The following SLC46A3 variants were observed in gnomAD, a reference collection of about 807,000 sequenced individuals.
SLC46A3 encodes lysosomal proton-coupled steroid conjugate and bile acid symporter SLC46A3.
In SLC46A3, 26 loss-of-function variants were observed where a neutral mutation model predicts 38.5. The ratio of observed to expected loss-of-function variants is 0.68; its 90% confidence interval spans 0.49 to 0.94. SLC46A3 has a LOEUF of 0.94. Among genes scored for constraint, SLC46A3 ranks in the 40% least tolerant of loss-of-function variants. The probability of loss-of-function intolerance (pLI) is 0.00; values close to 1 mark genes in which losing one functional copy is unlikely to be tolerated. For missense variants in SLC46A3, 510 were observed against 544.3 expected, an observed-to-expected ratio of 0.94 and a Z score of 0.63; for synonymous variants, 185 against 192.5, an observed-to-expected ratio of 0.96 and a Z score of 0.32.
chr13:28,717,385 T>G (rs553370676), intron 2 of SLC46A3, among the ~76,000 whole-genome samples: 1 of 151,672 alleles, frequency 6.6e-6, no homozygotes, highest in Non-Finnish European at 1.5e-5. Flanking sequence ...AGTAAAAGGA[T>G]TGGGGAAGAA....
At chr13:28,716,952 T>G (rs1428664044) in intron 2 of SLC46A3, among the ~76,000 whole-genome samples, 6 of 151,790 alleles carry the variant, frequency 4.0e-5, no homozygotes, top group African/African-American at 1.5e-4. Context: ...AAGAAGAGTT[T>G]AGAGTTTACA....
intron 4 of SLC46A3, among the ~76,000 whole-genome samples, chr13:28,705,243 C>T (rs1885142072): frequency 2.0e-5 from 3 of 152,266 alleles, no homozygotes; most frequent in African/African-American, 7.2e-5. Flanking sequence ...CCATGAAAAA[C>T]TGCAATGCAT....
rs964371556 is a variant in SLC46A3, at chr13:28,707,597, A to G, written c.1144+3163T>C. Among the ~76,000 whole-genome samples, 8 of 152,324 alleles carry G rather than the reference A, an allele frequency of 5.3e-5. No homozygotes were observed. The East Asian group carries it at 1.3e-3, about 26-fold the overall frequency. On this transcript the variant is annotated intron_variant, in intron 4 of 5. Transcript: ENST00000266943. ...AAAGCCTTTATAAACTAAACCAAAT[A>G]TAAACAAAAATAAACTATACCTCTT... is the stretch of plus-strand genomic sequence containing the variant.
intron 4 of SLC46A3, among the ~76,000 whole-genome samples, chr13:28,708,462 A>G (rs1039010538): frequency 6.6e-6 from 1 of 152,144 alleles, no homozygotes; most frequent in African/African-American, 2.4e-5. Context: ...TCCTTTGCCC[A>G]TTTTTAAATT....
chr13:28,717,707 G>A (rs939780651), intron 2 of SLC46A3, 103 bp downstream of exon 2: 11 of 1,190,114 alleles, frequency 9.2e-6, no homozygotes, highest in South Asian at 1.5e-5. Context: ...TTTGATGGCC[G>A]CCCTAGAGAG....
rs572187023 is a variant in SLC46A3 at position 28,711,244 on chromosome 13, G to C, written c.1061-401C>G. The stretch of plus-strand genomic sequence containing the variant: ...GTTCGAGACCAGCCTGACCAACATG[G>C]AGAAATCCTGTCTTTACTAAAAATA... On this transcript the variant is annotated intron_variant, in intron 3 of 5. Coordinates refer to ENST00000266943, the MANE Select transcript of SLC46A3 (RefSeq NM_181785.4). Among the ~76,000 whole-genome samples, 324 of 152,192 alleles carry C rather than the reference G, an allele frequency of 2.1e-3. 1 individual carries two copies. Among genetic ancestry groups the C allele is most frequent in the African/African-American group, 7.4e-3 (307 of 41,544 alleles).
chr13:28,707,448 C>A (rs1394375311), intron 4 of SLC46A3, among the ~76,000 whole-genome samples: 1 of 150,200 alleles, frequency 6.7e-6, no homozygotes, highest in African/African-American at 2.5e-5. Context: ...AGGAGATATA[C>A]CTAATGCTAA....
At chr13:28,710,667 T>G in intron 4 of SLC46A3, 93 bp downstream of exon 4, 1 of 948,738 alleles carries the variant, frequency 1.1e-6, no homozygotes, top group South Asian at 1.4e-5. Flanking sequence ...TAAAAAGGGC[T>G]GTAGAATATT....
At chr13:28,702,245 A>G (rs1300149644) in intron 5 of SLC46A3, among the ~76,000 whole-genome samples, 1 of 152,042 alleles carries the variant, frequency 6.6e-6, no homozygotes, top group African/African-American at 2.4e-5. Context: ...TCAACCTCCC[A>G]AAGTGCTGGG....
intron 4 of SLC46A3, among the ~76,000 whole-genome samples, chr13:28,709,343 A>G (rs1885274730): frequency 6.6e-6 from 1 of 152,002 alleles, no homozygotes; most frequent in Admixed American, 6.6e-5. Context: ...AAAAAGAGAG[A>G]AAGTAAAAGA....
intron 4 of SLC46A3, 37 bp from the exon 5 acceptor site, chr13:28,704,136 A>C: frequency 1.3e-6 from 2 of 1,567,620 alleles, no homozygotes; most frequent in Non-Finnish European, 1.7e-6. Flanking sequence ...GGAAAAAAAA[A>C]AGGCAGAATT....
chr13:28,701,068 T>C lies in SLC46A3; in HGVS notation c.*429A>G, dbSNP rs1342480212. ...CATAATTTTCATTATGCCTTCAAAA[T>C]TATCCCTGAGAGAGGCCAGAAACCC... is the stretch of plus-strand genomic sequence containing the variant. On this transcript the variant is annotated 3_prime_UTR_variant, in exon 6 of 6. Coordinates refer to ENST00000266943, the MANE Select transcript of SLC46A3 (RefSeq NM_181785.4). The C allele has an allele frequency of 6.0e-6, 9 of 1,488,238 alleles. No individual in the cohort carries two copies. The East Asian group carries it at 2.0e-4, about 33-fold the overall frequency. 92.2% of individuals were successfully genotyped at this position (1,488,238 alleles called of 1,614,324 possible). A position where few individuals can be genotyped will look rare whatever the true frequency, so the allele number is the denominator to read the frequency against.
Position 28,703,977 on chromosome 13 carries a change from C to T in SLC46A3, c.1267G>A (p.Ala423Thr), listed in dbSNP as rs1353426871. ...ATGGCTGGAAGTAGTAACAGACCAG[C>T]AGACAGCAGGAAAGTGAAGCCAGGG... ...WYPGFTFLLS[A>T]GLLLLPAISL... Residue 423 changes from alanine to threonine, a missense_variant, in exon 5 of 6, where the codon GCT becomes ACT. Transcript: ENST00000266943. The T allele has an allele frequency of 1.9e-6, 3 of 1,613,736 alleles. No homozygotes were observed. Among genetic ancestry groups the T allele is most frequent in the South Asian group, 1.1e-5 (1 of 91,066 alleles).
chr13:28,713,275 T>C lies in SLC46A3; in HGVS notation c.465A>G (p.Ile155Met), dbSNP rs2137836987. Residue 155 changes from isoleucine to methionine, a missense_variant, in exon 3 of 6, where the codon ATA becomes ATG. Ile to Met is a conservative substitution (Grantham distance 10, BLOSUM62 1). Coordinates refer to ENST00000266943, the MANE Select transcript of SLC46A3 (RefSeq NM_181785.4). ...GTTTGTGTTCTTTACACTGATCAAC[T>C]ATATAGGCAAAGCAAGCTCCCCAAA... is the stretch of plus-strand genomic sequence containing the variant. ...TTFWGACFAY[I>M]VDQCKEHKQK... The C allele has an allele frequency of 1.9e-6, 3 of 1,613,960 alleles. No homozygotes were observed. The highest frequency in any genetic ancestry group is 3.3e-4 in the Middle Eastern group (2 of 6,062).
chr13:28,718,085 T>C, intron 1 of SLC46A3, 63 bp from the exon 2 acceptor site: 1 of 1,408,936 alleles, frequency 7.1e-7, no homozygotes. Flanking sequence ...TATTCAAAGA[T>C]GGGTAAGTTT....
chr13:28,706,452 C>A (rs2053297654), intron 4 of SLC46A3, among the ~76,000 whole-genome samples: 1 of 152,064 alleles, frequency 6.6e-6, no homozygotes, highest in African/African-American at 2.4e-5. Context: ...CAGTTAAGAA[C>A]AAAGTAAGTA....
chr13:28,711,237 C>T (rs1885332372), intron 3 of SLC46A3, among the ~76,000 whole-genome samples: 1 of 152,076 alleles, frequency 6.6e-6, no homozygotes, highest in African/African-American at 2.4e-5. Context: ...CCAGCCTGAC[C>T]AACATGGAGA....
rs747551852 is a variant in SLC46A3, at chr13:28,701,592, A to G, written c.1302-11T>C. The G allele has an allele frequency of 1.2e-6, 2 of 1,606,122 alleles. No homozygotes were observed. The highest frequency in any genetic ancestry group is 1.7e-6 in the Non-Finnish European group (2 of 1,177,376). Reference sequence around the variant, plus strand: ...GTACACTTGACAACACTATAAAAGGAAACAAGACATTTTAAAGTTGAGATT... The same window carrying G: ...GTACACTTGACAACACTATAAAAGGGAACAAGACATTTTAAAGTTGAGATT... On this transcript the variant is annotated splice_polypyrimidine_tract_variant and intron_variant, in intron 5 of 5. Transcript: ENST00000266943.
chr13:28,713,472 T>C lies in SLC46A3; in HGVS notation c.268A>G (p.Ile90Val), dbSNP rs1160571142. ...TAGTGATCACTAATAGACAAAAGTA[T>C]GAATGTAGACACTAGACCAGGAATT... is the stretch of plus-strand genomic sequence containing the variant. ...GLIPGLVSTF[I>V]LLSISDHYGR... Residue 90 changes from isoleucine (I) to valine (V), a missense_variant, in exon 3 of 6, where the codon ATA becomes GTA. Transcript: ENST00000266943. The C allele has an allele frequency of 1.2e-6, 2 of 1,614,162 alleles. No homozygotes were observed. Among genetic ancestry groups the C allele is most frequent in the Non-Finnish European group, 8.5e-7 (1 of 1,180,014 alleles).
Sources: gnomAD v4.1 joint callset for allele counts (sites outside exome capture counted in the v4.1 genomes callset) on GRCh38, gnomAD v4.1.1 for gene constraint, MANE v1.5 for transcripts, NCBI Gene and HGNC (gene_info 2026-07-23, HGNC 2026-07-21) for gene names.